The following SLC7A5 variants were observed in gnomAD, a reference collection of about 807,000 sequenced individuals.
The protein encoded by SLC7A5 is solute carrier family 7 member 5.
SLC7A5 carries 23 observed loss-of-function variants against 50.2 expected under a neutral mutation model. That is an observed-to-expected ratio of 0.46 (90% CI 0.33 to 0.65). The LOEUF (loss-of-function observed/expected upper bound fraction) is 0.65, where lower values mean the gene tolerates loss of function less well. Among genes scored for constraint, SLC7A5 ranks in the 30% least tolerant of loss-of-function variants. The pLI is 0.02. For synonymous variants in SLC7A5, 393 were observed against 330.6 expected, an observed-to-expected ratio of 1.19 and a Z score of -2.05; for missense variants, 578 against 684.4, an observed-to-expected ratio of 0.84 and a Z score of 1.73.
chr16:87,838,857 G>T, intron 5 of SLC7A5, 40 bp from the exon 6 acceptor site: 1 of 1,499,954 alleles, frequency 6.7e-7, no homozygotes. Context: ...CCACCGGGCC[G>T]GCCCTCGCCC....
At chr16:87,834,367 GC>G (rs1377386949) in intron 9 of SLC7A5, 46 bp downstream of exon 9, 1 of 1,542,558 alleles carries the variant, frequency 6.5e-7, no homozygotes. Context: ...TCCCTTCGCT[GC>G]CCAGGGCAGA....
At position 87,830,187 on chromosome 16, in the gene SLC7A5, G is replaced by A. The variant is rs984511252; in HGVS notation, c.*2783C>T. Reference sequence around the variant, plus strand: ...AGGGTGTCCAGCCTGGTCGGCCGACGTCACAGTGGATGGCCCTGCGTGGCT... The same window carrying A: ...AGGGTGTCCAGCCTGGTCGGCCGACATCACAGTGGATGGCCCTGCGTGGCT... On this transcript the variant is annotated 3_prime_UTR_variant, in exon 10 of 10. Transcript: ENST00000261622. 6.6e-6 allele frequency: 1 copy of A among 152,230 alleles called. No individual in the cohort carries two copies. The highest frequency in any genetic ancestry group is 2.4e-5 in the African/African-American group (1 of 41,470). The allele number at this position is 152,230 out of a possible 1,614,324, so 9.4% of individuals were successfully genotyped here.
At chr16:87,867,467 G>A (rs1243710829) in intron 1 of SLC7A5, among the ~76,000 whole-genome samples, 2 of 152,152 alleles carry the variant, frequency 1.3e-5, no homozygotes, top group African/African-American at 4.8e-5. Flanking sequence ...TGGTGCGGCT[G>A]CTCGACTCAG....
intron 8 of SLC7A5, among the ~76,000 whole-genome samples, chr16:87,835,966 A>T (rs941087596): frequency 7.9e-5 from 12 of 152,260 alleles, no homozygotes; most frequent in Admixed American, 6.5e-4. Flanking sequence ...GGGCGGCGGG[A>T]CTTGCTGGGC....
At chr16:87,844,168 G>A (rs576049335) in intron 2 of SLC7A5, among the ~76,000 whole-genome samples, 2 of 152,280 alleles carry the variant, frequency 1.3e-5, no homozygotes, top group South Asian at 4.1e-4. Flanking sequence ...GAGCCTGAGT[G>A]GGGCCCTCCA....
At chr16:87,868,383 T>C (rs1202403436) in intron 1 of SLC7A5, among the ~76,000 whole-genome samples, 1 of 152,200 alleles carries the variant, frequency 6.6e-6, no homozygotes, top group Non-Finnish European at 1.5e-5. Context: ...ACGATGTTAT[T>C]ACTACTGTTT....
rs1236331851 is a variant in SLC7A5, at chr16:87,836,582, G to A, written c.1206C>T (p.Phe402=). Residue 402 remains phenylalanine (F), a synonymous_variant, in exon 8 of 10, where the codon TTC becomes TTT. Coordinates refer to ENST00000261622, the MANE Select transcript of SLC7A5 (RefSeq NM_003486.7). ...DIFSVINFFS[F]FNWLCVALAI... ...CCAGGGCCACGCAGAGCCAGTTGAA[G>A]AAGCTGAAGAAGTTGATGACGGAGA... 1 of 1,613,778 alleles carries A rather than the reference G, an allele frequency of 6.2e-7. No homozygotes were observed. Among genetic ancestry groups the A allele is most frequent in the Non-Finnish European group, 8.5e-7 (1 of 1,180,030 alleles).
intron 2 of SLC7A5, among the ~76,000 whole-genome samples, chr16:87,850,923 A>G (rs1387526858): frequency 1.3e-5 from 2 of 152,070 alleles, no homozygotes; most frequent in Non-Finnish European, 2.9e-5. Flanking sequence ...CAAAATACCA[A>G]CTGTGTCAGT....
In SLC7A5 at chr16:87,869,325, T is replaced by C; in HGVS notation, c.98A>G (p.Asp33Gly). The C allele has an allele frequency of 6.2e-7, 1 of 1,610,348 alleles. No individual in the cohort carries two copies. Among genetic ancestry groups the C allele is most frequent in the Non-Finnish European group, 8.5e-7 (1 of 1,179,326 alleles). Residue 33 changes from aspartate to glycine, a missense_variant, in exon 1 of 10, where the codon GAC (aspartate) becomes GGC (glycine). Coordinates refer to ENST00000261622, the MANE Select transcript of SLC7A5 (RefSeq NM_003486.7). ...GCCCTCGCCTGCCGGCGCCGAGCCG[T>C]CCGCGCTCTTGGCGGCCAGCATCTT... ...REKMLAAKSA[D>G]GSAPAGEGEG...
In SLC7A5 at chr16:87,836,540, G is replaced by T. The variant is rs757223678; in HGVS notation, c.1248C>A (p.Ile416=). ...LCVALAIIGM[I]WLRHRKPELE... is the part of the protein sequence containing the mutation. Reference sequence around the variant, plus strand: ...GCTCAGGCTTTCTGTGGCGCAGCCAGATCATGCCGATGATGGCCAGGGCCA... The same window carrying T: ...GCTCAGGCTTTCTGTGGCGCAGCCATATCATGCCGATGATGGCCAGGGCCA... Residue 416 remains isoleucine (I), a synonymous_variant, in exon 8 of 10, where the codon ATC becomes ATA. Transcript: ENST00000261622. 7.7e-5 allele frequency: 124 copies of T among 1,613,262 alleles called. No individual in the cohort carries two copies. The highest frequency in any genetic ancestry group is 9.8e-5 in the Non-Finnish European group (116 of 1,180,036).
At position 87,860,643 on chromosome 16, in the gene SLC7A5, TCAAA is replaced by T. The variant is rs2055386181; in HGVS notation, c.538+8238_538+8241del. ...CACATTTGACTCCGGATAAATCTCT[TCAAA>T]CATTTTACAGAGTCTGGCTTTCTCG... On this transcript the variant is annotated intron_variant, in intron 1 of 9. Coordinates refer to ENST00000261622, the MANE Select transcript of SLC7A5 (RefSeq NM_003486.7). This position sits in a 1 kb window ranked among gnomAD's most constrained non-coding sequence, Gnocchi z 4.8. Among the ~76,000 whole-genome samples the T allele has an allele frequency of 6.6e-6, 1 of 152,120 alleles. No individual in the cohort carries two copies. The highest frequency in any genetic ancestry group is 6.6e-5 in the Admixed American group (1 of 15,260).
rs545589322 is a variant in SLC7A5 at position 87,831,364 on chromosome 16, T to A, written c.*1606A>T. 2 of 152,336 alleles carry A rather than the reference T, an allele frequency of 1.3e-5. No individual in the cohort carries two copies. Among genetic ancestry groups the A allele is most frequent in the Admixed American group, 1.3e-4 (2 of 15,298 alleles). 9.4% of individuals were successfully genotyped at this position (152,336 alleles called of 1,614,324 possible). On this transcript the variant is annotated 3_prime_UTR_variant, in exon 10 of 10. Transcript: ENST00000261622. ...ATCTGGTCCTGAGTCCCCAAACTGT[T>A]CATCAGGTTTCTCCGGGCCCACTGG...
At chr16:87,836,741 G>A (rs2055009276) in intron 7 of SLC7A5, 94 bp from the exon 8 acceptor site, 1 of 1,323,426 alleles carries the variant, frequency 7.6e-7, no homozygotes, top group Admixed American at 1.7e-5. Context: ...GCCTGGCTGG[G>A]CCCAGCTGAG....
intron 7 of SLC7A5, chr16:87,836,859 A>G (rs911934340): frequency 1.2e-5 from 5 of 403,766 alleles, no homozygotes; most frequent in East Asian, 5.8e-5. Flanking sequence ...AGAGGCGGGG[A>G]GGAGGGAAGG....
In SLC7A5 at chr16:87,853,600, C is replaced by T. The variant is rs973495072; in HGVS notation, c.539-1751G>A. 7.9e-5 allele frequency among the ~76,000 whole-genome samples: 12 copies of T among 152,132 alleles called. No homozygotes were observed. The highest frequency in any genetic ancestry group is 1.9e-4 in the East Asian group (1 of 5,188). ...CAGTGGGTCTAGGCAGCTCCTTGTC[C>T]GCTGCACAGGGCAAGGGGCAGGTCC... On this transcript the variant is annotated intron_variant, in intron 1 of 9. Transcript: ENST00000261622. The surrounding 1 kb of genome is among the most constrained non-coding windows in gnomAD (Gnocchi z 4.4).
At chr16:87,835,360 C>T (rs2054986167) in intron 8 of SLC7A5, among the ~76,000 whole-genome samples, 1 of 152,264 alleles carries the variant, frequency 6.6e-6, no homozygotes, top group African/African-American at 2.4e-5. Context: ...TGCCCTGTGC[C>T]CTAGGCACTG....
chr16:87,843,527 C>G (rs970624859), intron 2 of SLC7A5, among the ~76,000 whole-genome samples: 1 of 151,908 alleles, frequency 6.6e-6, no homozygotes, highest in African/African-American at 2.4e-5. Flanking sequence ...CCCAGGGCAG[C>G]TGGACACAGG....
At chr16:87,835,742 G>A (rs1381775528) in intron 8 of SLC7A5, among the ~76,000 whole-genome samples, 1 of 152,194 alleles carries the variant, frequency 6.6e-6, no homozygotes, top group Admixed American at 6.5e-5. Context: ...CCAAAGTGCT[G>A]GGATTACAGG....
chr16:87,840,509 C>G, intron 3 of SLC7A5, 36 bp from the exon 4 acceptor site: 1 of 1,526,866 alleles, frequency 6.5e-7, no homozygotes, highest in Non-Finnish European at 9.1e-7. Flanking sequence ...ATTATATGAT[C>G]CTCATCAGGG....
Sources: allele counts gnomAD v4.1 joint callset (sites outside exome capture counted in the v4.1 genomes callset), GRCh38; gene constraint gnomAD v4.1.1; non-coding constraint Gnocchi (gnomAD v3.1); transcripts MANE v1.5; gene names NCBI Gene and HGNC (gene_info 2026-07-23, HGNC 2026-07-21).